The following CTNND2 variants were observed in gnomAD, a reference collection of about 807,000 sequenced individuals.
CTNND2 encodes the protein catenin delta-2.
A neutral mutation model predicts 144.4 loss-of-function variants in CTNND2; 22 were observed. The ratio of observed to expected loss-of-function variants is 0.15; its 90% CI spans 0.11 to 0.22. The LOEUF is 0.22. Among genes scored for constraint, CTNND2 ranks in the 10% least tolerant of loss-of-function variants. The pLI, the probability that CTNND2 is intolerant of heterozygous loss-of-function variation, is 1.00. For synonymous variants in CTNND2, 751 were observed against 695.6 expected, an observed-to-expected ratio of 1.08 and a Z score of -1.25; for missense variants, 1,353 against 1,618.8, an observed-to-expected ratio of 0.84 and a Z score of 2.82.
At chr5:11,821,206 C>T (rs1328181186) in intron 1 of CTNND2, among the ~76,000 whole-genome samples, 3 of 152,052 alleles carry the variant, frequency 2.0e-5, no homozygotes, top group Non-Finnish European at 2.9e-5. Flanking sequence ...TAAGCTTATT[C>T]GTGTCATCTT....
intron 2 of CTNND2, among the ~76,000 whole-genome samples, chr5:11,610,151 T>C (rs1486026949): frequency 1.3e-5 from 2 of 152,212 alleles, no homozygotes; most frequent in Non-Finnish European, 1.5e-5. Flanking sequence ...TCAAAGCCGC[T>C]TGGCTGTTCC....
chr5:11,106,523 T>C (rs1752440977), intron 14 of CTNND2, among the ~76,000 whole-genome samples: 1 of 152,172 alleles, frequency 6.6e-6, no homozygotes, highest in African/African-American at 2.4e-5. Flanking sequence ...AAGTGGGCAG[T>C]GGGGGCTGTC....
chr5:11,469,350 C>A (rs1413965152), intron 3 of CTNND2, among the ~76,000 whole-genome samples: 1 of 152,122 alleles, frequency 6.6e-6, no homozygotes, highest in African/African-American at 2.4e-5. Flanking sequence ...GGAAGAAGAT[C>A]AGCCAATATC....
chr5:11,593,697 C>T (rs115106626), intron 2 of CTNND2, among the ~76,000 whole-genome samples: 2,903 of 152,302 alleles, frequency 0.019, 90 homozygotes, highest in African/African-American at 0.064. Context: ...TCCTCCTTCA[C>T]TTTCCATCAT....
chr5:11,139,112 C>T (rs2149731107), intron 12 of CTNND2, among the ~76,000 whole-genome samples: 1 of 152,234 alleles, frequency 6.6e-6, no homozygotes, highest in East Asian at 1.9e-4. Flanking sequence ...AGCTGCACAC[C>T]ACCATGCCAG....
chr5:11,287,934 A>C (rs1747917657), intron 9 of CTNND2, among the ~76,000 whole-genome samples: 1 of 152,190 alleles, frequency 6.6e-6, no homozygotes, highest in African/African-American at 2.4e-5. Context: ...CCTCAGCTGT[A>C]GTTTTTTTAT....
intron 3 of CTNND2, among the ~76,000 whole-genome samples, chr5:11,532,576 AGGGGCT>A (rs1773842705): frequency 6.6e-6 from 1 of 152,198 alleles, no homozygotes. Context: ...CCACCTTGCC[AGGGGCT>A]GAAAATTTAT....
At chr5:11,857,644 T>C (rs1157606950) in intron 1 of CTNND2, among the ~76,000 whole-genome samples, 1 of 152,180 alleles carries the variant, frequency 6.6e-6, no homozygotes, top group Non-Finnish European at 1.5e-5. Flanking sequence ...AGCTGATATA[T>C]ATTAAGTACG....
intron 5 of CTNND2, among the ~76,000 whole-genome samples, chr5:11,407,114 A>T (rs1052065870): frequency 6.6e-6 from 1 of 152,192 alleles, no homozygotes; most frequent in Non-Finnish European, 1.5e-5. Flanking sequence ...ATATAAAAGG[A>T]TGCATAGATT....
chr5:11,262,118 C>T (rs1436945733), intron 9 of CTNND2, among the ~76,000 whole-genome samples: 2 of 152,060 alleles, frequency 1.3e-5, no homozygotes, highest in Non-Finnish European at 2.9e-5. Context: ...CCAATCGAGA[C>T]GTAAGTTGTT....
intron 8 of CTNND2, among the ~76,000 whole-genome samples, chr5:11,361,804 A>T (rs559956036): frequency 6.6e-6 from 1 of 152,296 alleles, no homozygotes; most frequent in African/African-American, 2.4e-5. Flanking sequence ...CCGTCTAATA[A>T]TTCCCTAACT....
chr5:11,260,626 A>G (rs1744763352), intron 9 of CTNND2, among the ~76,000 whole-genome samples: 1 of 152,164 alleles, frequency 6.6e-6, no homozygotes, highest in Non-Finnish European at 1.5e-5. Context: ...ACAAGTGAGA[A>G]CCCACTCTCA....
intron 3 of CTNND2, among the ~76,000 whole-genome samples, chr5:11,420,272 G>A (rs531295859): frequency 6.6e-5 from 10 of 152,246 alleles, no homozygotes; most frequent in Non-Finnish European, 1.0e-4. Flanking sequence ...GCAGTGAACC[G>A]AGATGGCACC....
intron 1 of CTNND2, among the ~76,000 whole-genome samples, chr5:11,841,601 GAGAA>G (rs1377261106): frequency 6.6e-6 from 1 of 152,166 alleles, no homozygotes; most frequent in Non-Finnish European, 1.5e-5. Flanking sequence ...AGCTAGTGGT[GAGAA>G]AGAGAAATGA....
At chr5:11,441,267 C>T (rs997786817) in intron 3 of CTNND2, among the ~76,000 whole-genome samples, 11 of 151,518 alleles carry the variant, frequency 7.3e-5, no homozygotes, top group African/African-American at 2.2e-4. Flanking sequence ...TCACTTGCCC[C>T]GAACAGAGTT....
chr5:10,985,856 G>A (rs1209871630), intron 20 of CTNND2, among the ~76,000 whole-genome samples: 1 of 152,084 alleles, frequency 6.6e-6, no homozygotes, highest in East Asian at 1.9e-4. Flanking sequence ...ACCTGGCTTG[G>A]CTGGGGACTT....
intron 1 of CTNND2, among the ~76,000 whole-genome samples, chr5:11,820,827 C>T (rs1581951623): frequency 6.6e-6 from 1 of 152,282 alleles, no homozygotes; most frequent in East Asian, 1.9e-4. Context: ...TGTGTCTGCA[C>T]TTGAAGTAAT....
At chr5:11,470,980 A>ATATATATATATATATATATATATTTTT (rs1219093645) in intron 3 of CTNND2, among the ~76,000 whole-genome samples, 2 of 91,536 alleles carry the variant, frequency 2.2e-5, no homozygotes, top group African/African-American at 1.1e-4. Flanking sequence ...ATATATATAT[A>ATATATATATATATATATATATATTTTT]TTTTTTTTTT....
intron 2 of CTNND2, among the ~76,000 whole-genome samples, chr5:11,587,784 C>T (rs902200812): frequency 2.0e-5 from 3 of 151,924 alleles, no homozygotes; most frequent in African/African-American, 2.4e-5. Context: ...TCCATTTTAC[C>T]GCACTCACAA....
Sources: gnomAD v4.1 joint callset for allele counts (sites outside exome capture counted in the v4.1 genomes callset) on GRCh38, gnomAD v4.1.1 for gene constraint, MANE v1.5 for transcripts, NCBI Gene and HGNC (gene_info 2026-07-23, HGNC 2026-07-21) for gene names.